The following MDGA2 variants were observed in gnomAD, a reference collection of about 807,000 sequenced individuals.
MDGA2 encodes the protein MAM domain-containing glycosylphosphatidylinositol anchor protein 2.
MDGA2 carries 40 observed loss-of-function variants against 117.8 expected under a neutral mutation model. The ratio of observed to expected loss-of-function variants is 0.34; its 90% confidence interval spans 0.26 to 0.44. The LOEUF is 0.44. Among genes scored for constraint, MDGA2 ranks in the 20% least tolerant of loss-of-function variants. The probability of loss-of-function intolerance (pLI) is 1.00; values close to 1 mark genes in which losing one functional copy is unlikely to be tolerated. For synonymous variants in MDGA2, 452 were observed against 439.0 expected (o/e 1.03, Z -0.37); for missense variants, 1,123 against 1,250.6 (o/e 0.90, Z 1.54).
At chr14:47,521,933 A>T (rs1894876022) in intron 1 of MDGA2, among the ~76,000 whole-genome samples, 1 of 152,142 alleles carries the variant, frequency 6.6e-6, no homozygotes, top group Non-Finnish European at 1.5e-5. Flanking sequence ...CAGTCTCCCA[A>T]AGTGCTGGGA....
chr14:47,422,891 T>C (rs918605082), intron 1 of MDGA2, among the ~76,000 whole-genome samples: 20 of 152,150 alleles, frequency 1.3e-4, no homozygotes, highest in Admixed American at 3.3e-4. Context: ...GATCGATAAA[T>C]AGATGGATTT....
At chr14:47,663,051 AG>A (rs1228185611) in intron 1 of MDGA2, among the ~76,000 whole-genome samples, 2 of 152,232 alleles carry the variant, frequency 1.3e-5, no homozygotes, top group African/African-American at 4.8e-5. Context: ...AGTTACTCAA[AG>A]GATGAGAGAG....
chr14:46,919,304 T>C (rs1884032029), intron 10 of MDGA2, among the ~76,000 whole-genome samples: 1 of 152,168 alleles, frequency 6.6e-6, no homozygotes, highest in African/African-American at 2.4e-5. Context: ...GATTATGTGG[T>C]GATCAAATAA....
At chr14:46,926,556 AATGTT>A (rs1296127193) in intron 9 of MDGA2, among the ~76,000 whole-genome samples, 3 of 152,162 alleles carry the variant, frequency 2.0e-5, no homozygotes, top group African/African-American at 7.2e-5. Flanking sequence ...TATGTGTTAA[AATGTT>A]AGGTAAAATA....
At chr14:46,938,171 T>C (rs925852685) in intron 9 of MDGA2, among the ~76,000 whole-genome samples, 14 of 151,952 alleles carry the variant, frequency 9.2e-5, no homozygotes, top group African/African-American at 2.9e-4. Flanking sequence ...AGAAGACATA[T>C]AAATGGCCAA....
intron 1 of MDGA2, among the ~76,000 whole-genome samples, chr14:47,334,921 C>T (rs1321630303): frequency 1.3e-5 from 2 of 151,788 alleles, no homozygotes; most frequent in African/African-American, 2.4e-5. Context: ...CTTTGGCTTT[C>T]CAGATAAAAC....
At chr14:47,105,976 C>A (rs1429232120) in intron 5 of MDGA2, among the ~76,000 whole-genome samples, 1 of 1,282 alleles carries the variant, frequency 7.8e-4, no homozygotes, top group Non-Finnish European at 1.2e-3. Flanking sequence ...CGTGACTAGC[C>A]GACTAGCCCT....
rs555754980 is a variant in MDGA2, at chr14:46,871,563, C to G, written c.2752+1870G>C. 88 of 152,470 alleles carry G rather than the reference C, an allele frequency of 5.8e-4. 1 individual carries two copies. The South Asian group carries it at 0.017, about 30-fold the overall frequency. 9.4% of individuals were successfully genotyped at this position (152,470 alleles called of 1,614,324 possible). On this transcript the variant is annotated intron_variant, in intron 14 of 16. Transcript: ENST00000399232. Reference sequence around the variant, plus strand: ...AAAGTATCCTAGCCCATGATGAGTACTCCATAAATGTCAACTATTATTTTA... The same window carrying G: ...AAAGTATCCTAGCCCATGATGAGTAGTCCATAAATGTCAACTATTATTTTA...
At chr14:47,105,329 T>C (rs1391814709) in intron 5 of MDGA2, among the ~76,000 whole-genome samples, 3 of 152,114 alleles carry the variant, frequency 2.0e-5, no homozygotes, top group African/African-American at 7.2e-5. Context: ...ATCCCTTATT[T>C]CTGTGCCCCA....
Position 46,941,769 on chromosome 14 carries a change from G to C in MDGA2, c.2089+15605C>G, listed in dbSNP as rs181785365. ...GTTTTCTTTGTTCTATTCTTCTCTGGTGTCAGTACATATTAGAAAGTTTCT... is the reference window on the plus strand; with the variant it reads ...GTTTTCTTTGTTCTATTCTTCTCTGCTGTCAGTACATATTAGAAAGTTTCT... On this transcript the variant is annotated intron_variant, in intron 9 of 16. Coordinates refer to ENST00000399232, the MANE Select transcript of MDGA2 (RefSeq NM_001113498.3). Among the ~76,000 whole-genome samples the C allele has an allele frequency of 1.6e-3, 239 of 152,216 alleles. 1 individual carries two copies. The highest frequency in any genetic ancestry group is 5.5e-3 in the African/African-American group (227 of 41,542).
chr14:47,058,358 C>T (rs1229480467), intron 7 of MDGA2, among the ~76,000 whole-genome samples: 4 of 152,146 alleles, frequency 2.6e-5, no homozygotes, highest in Non-Finnish European at 4.4e-5. Flanking sequence ...GGTCAATGCT[C>T]AATTTCTTAT....
chr14:46,876,739 C>G (rs1448506826), intron 12 of MDGA2, among the ~76,000 whole-genome samples: 3 of 151,376 alleles, frequency 2.0e-5, no homozygotes, highest in Non-Finnish European at 1.5e-5. Flanking sequence ...TCCTGATACC[C>G]AGTGGTCCTT....
intron 8 of MDGA2, among the ~76,000 whole-genome samples, chr14:47,031,716 C>A (rs1888672257): frequency 6.6e-6 from 1 of 152,122 alleles, no homozygotes; most frequent in African/African-American, 2.4e-5. Context: ...GGGTTAAGCA[C>A]CATTCCCCCT....
chr14:47,025,685 C>T (rs181111178), intron 8 of MDGA2, among the ~76,000 whole-genome samples: 1 of 148,382 alleles, frequency 6.7e-6, no homozygotes, highest in African/African-American at 2.5e-5. Flanking sequence ...ATACAATAAA[C>T]AAGCTAGAGC....
intron 8 of MDGA2, among the ~76,000 whole-genome samples, chr14:46,979,845 A>G (rs903677076): frequency 6.6e-6 from 1 of 152,242 alleles, no homozygotes; most frequent in Non-Finnish European, 1.5e-5. Flanking sequence ...TAGAAGCTGC[A>G]GCAAGTTATC....
At chr14:46,847,656 A>C (rs1880895666) in intron 15 of MDGA2, among the ~76,000 whole-genome samples, 1 of 152,022 alleles carries the variant, frequency 6.6e-6, no homozygotes, top group Non-Finnish European at 1.5e-5. Flanking sequence ...AGAGAATTGA[A>C]TATGAAGAAA....
chr14:47,039,677 T>A (rs1888991114), intron 7 of MDGA2, among the ~76,000 whole-genome samples: 1 of 152,178 alleles, frequency 6.6e-6, no homozygotes, highest in African/African-American at 2.4e-5. Flanking sequence ...AGTTGTTAAA[T>A]AAATCATAAA....
intron 5 of MDGA2, among the ~76,000 whole-genome samples, chr14:47,102,702 G>C (rs73248014): frequency 9.4e-4 from 143 of 152,236 alleles, no homozygotes; most frequent in African/African-American, 3.2e-3. Flanking sequence ...AAAGAACAAG[G>C]AGCCTGGCTC....
intron 8 of MDGA2, among the ~76,000 whole-genome samples, chr14:47,015,638 A>T (rs1159372645): frequency 6.6e-6 from 1 of 152,062 alleles, no homozygotes; most frequent in Admixed American, 6.6e-5. Context: ...TTTGCAATTC[A>T]TTCATAAGAG....
Sources: allele counts gnomAD v4.1 joint callset (sites outside exome capture counted in the v4.1 genomes callset), GRCh38; gene constraint gnomAD v4.1.1; transcripts MANE v1.5; gene names NCBI Gene and HGNC (gene_info 2026-07-23, HGNC 2026-07-21).